ATG13: variants seen among roughly 807,000 people sequenced by gnomAD.
ATG13 encodes autophagy-related protein 13.
ATG13 carries 23 observed loss-of-function variants against 65.5 expected under a neutral mutation model. That is an observed-to-expected ratio of 0.35 (90% CI 0.25 to 0.50). The LOEUF (loss-of-function observed/expected upper bound fraction) is 0.50. Among genes scored for constraint, ATG13 ranks in the 20% least tolerant of loss-of-function variants. ATG13 has a pLI of 0.98. For synonymous variants in ATG13, 252 were observed against 245.2 expected, an observed-to-expected ratio of 1.03 and a Z score of -0.26; for missense variants, 566 against 677.0, an observed-to-expected ratio of 0.84 and a Z score of 1.82.
At chr11:46,672,106 C>T (rs2063868082) in intron 18 of ATG13, 149 bp from the exon 19 acceptor site, 3 of 1,244,738 alleles carry the variant, frequency 2.4e-6, no homozygotes, top group Middle Eastern at 2.7e-4. Flanking sequence ...TACCCTGTGC[C>T]TACGCAGCTG....
At chr11:46,654,283 T>TTATATA (rs376147806) in intron 7 of ATG13, among the ~76,000 whole-genome samples, 1,760 of 122,242 alleles carry the variant, frequency 0.014, 22 homozygotes, top group South Asian at 0.05. Flanking sequence ...TTTTAAAATT[T>TTATATA]TATATATATA....
chr11:46,665,622 T>C, intron 14 of ATG13, 103 bp downstream of exon 14: 2 of 1,434,324 alleles, frequency 1.4e-6, no homozygotes, highest in Non-Finnish European at 1.9e-6. Context: ...CTTTCAGCAT[T>C]GGCTGGGACA....
chr11:46,657,815 T>A (rs963580037), intron 10 of ATG13, among the ~76,000 whole-genome samples, 193 bp downstream of exon 10: 3 of 152,170 alleles, frequency 2.0e-5, no homozygotes, highest in Non-Finnish European at 2.9e-5. Flanking sequence ...CACCAAGACT[T>A]AGTATATACA....
At position 46,668,586 on chromosome 11, in the gene ATG13, C is replaced by T; in HGVS notation, c.1329+10C>T. The T allele has an allele frequency of 6.2e-7, 1 of 1,613,084 alleles. No individual in the cohort carries two copies. The highest frequency in any genetic ancestry group is 1.6e-4 in the Middle Eastern group (1 of 6,062). The stretch of plus-strand genomic sequence containing the variant: ...GGATACCGATCCAATGGTGAGCCCA[C>T]CGTTGACTACGAGTTCCCAGTAGAT... On this transcript the variant is annotated intron_variant, in intron 16 of 18. Transcript: ENST00000683050.
intron 15 of ATG13, 30 bp downstream of exon 15, chr11:46,667,917 A>G: frequency 6.4e-7 from 1 of 1,551,518 alleles, no homozygotes; most frequent in Middle Eastern, 1.7e-4. Context: ...CACCTGTGAG[A>G]ATGTCTGAGT....
At chr11:46,651,359 T>C (rs867914043) in intron 7 of ATG13, among the ~76,000 whole-genome samples, 66 of 152,090 alleles carry the variant, frequency 4.3e-4, no homozygotes, top group African/African-American at 1.4e-3. Flanking sequence ...AAAGAGAATT[T>C]GAGCTGGTAA....
chr11:46,651,303 G>A (rs766540586), intron 7 of ATG13, among the ~76,000 whole-genome samples: 3 of 152,380 alleles, frequency 2.0e-5, no homozygotes, highest in Non-Finnish European at 4.4e-5. Flanking sequence ...TTGGTAAACA[G>A]TGCAGTTCTT....
At chr11:46,633,026 A>ATTTT (rs746504456) in intron 2 of ATG13, among the ~76,000 whole-genome samples, 9 of 90,702 alleles carry the variant, frequency 9.9e-5, no homozygotes, top group African/African-American at 5.8e-4. Flanking sequence ...ATATATATAT[A>ATTTT]TTTTTTTTTT....
chr11:46,647,452 A>G (rs1341522945), intron 5 of ATG13, among the ~76,000 whole-genome samples: 2 of 150,530 alleles, frequency 1.3e-5, no homozygotes, highest in African/African-American at 4.9e-5. Flanking sequence ...TATTTTTTGT[A>G]TTTTTTGTAG....
intron 12 of ATG13, 30 bp downstream of exon 12, chr11:46,664,125 A>G (rs2061773565): frequency 7.0e-7 from 1 of 1,419,482 alleles, no homozygotes; most frequent in East Asian, 2.3e-5. Flanking sequence ...AAGGGGATAT[A>G]ATCAGATGGC....
chr11:46,633,509 A>G (rs1005386624), intron 2 of ATG13, among the ~76,000 whole-genome samples: 1 of 151,294 alleles, frequency 6.6e-6, no homozygotes, highest in Non-Finnish European at 1.5e-5. Flanking sequence ...CACCACGCCC[A>G]GCTAATTTTG....
intron 7 of ATG13, among the ~76,000 whole-genome samples, chr11:46,651,550 CCTTT>C (rs1342272656): frequency 2.0e-5 from 3 of 152,066 alleles, no homozygotes; most frequent in Non-Finnish European, 4.4e-5. Context: ...ACCAAAGATG[CCTTT>C]CTTTTGTATT....
At chr11:46,632,328 A>G (rs1380930862) in intron 2 of ATG13, 1 of 152,248 alleles carries the variant, frequency 6.6e-6, no homozygotes, top group Non-Finnish European at 1.5e-5. Context: ...CCTAGGACAG[A>G]AAATTTTAAT....
intron 2 of ATG13, among the ~76,000 whole-genome samples, chr11:46,638,168 G>A (rs1321025896): frequency 6.6e-6 from 1 of 152,128 alleles, no homozygotes; most frequent in Non-Finnish European, 1.5e-5. Flanking sequence ...TGGGCACGGT[G>A]GCTCATGTCT....
At chr11:46,666,083 A>C (rs2062293369) in intron 14 of ATG13, among the ~76,000 whole-genome samples, 1 of 152,140 alleles carries the variant, frequency 6.6e-6, no homozygotes, top group African/African-American at 2.4e-5. Flanking sequence ...CGGGGATTAC[A>C]GGCGTGAGCC....
At chr11:46,645,684 A>C (rs1029006292) in intron 4 of ATG13, among the ~76,000 whole-genome samples, 186 bp from the exon 5 acceptor site, 11 of 152,172 alleles carry the variant, frequency 7.2e-5, no homozygotes. Context: ...TTGTAATGAT[A>C]ATTACCTTTT....
In ATG13 at chr11:46,645,433, A is replaced by G. The variant is rs1565504017; in HGVS notation, c.150+14A>G. On this transcript the variant is annotated intron_variant, in intron 4 of 18. Coordinates refer to ENST00000683050, the MANE Select transcript of ATG13 (RefSeq NM_001346311.2). ...GGTTCAGATTGGGTAAAATTCTATT[A>G]TTTACTAAGGTGTATACTGTAGTGT... is the stretch of plus-strand genomic sequence containing the variant. 1.9e-6 allele frequency: 3 copies of G among 1,606,360 alleles called. No individual in the cohort carries two copies. The highest frequency in any genetic ancestry group is 1.7e-4 in the Middle Eastern group (1 of 6,052).
At chr11:46,667,680 A>G in intron 14 of ATG13, 93 bp from the exon 15 acceptor site, 1 of 957,494 alleles carries the variant, frequency 1.0e-6, no homozygotes, top group Non-Finnish European at 1.6e-6. Context: ...CTCCTGCCCT[A>G]GGCCACAGCC....
chr11:46,664,136 A>T, intron 12 of ATG13, 41 bp downstream of exon 12: 1 of 1,360,546 alleles, frequency 7.3e-7, no homozygotes, highest in Non-Finnish European at 1.0e-6. Flanking sequence ...ATCAGATGGC[A>T]TCCTTTTATT....
Sources: allele counts gnomAD v4.1 joint callset (sites outside exome capture counted in the v4.1 genomes callset), GRCh38; gene constraint gnomAD v4.1.1; transcripts MANE v1.5; gene names NCBI Gene and HGNC (gene_info 2026-07-23, HGNC 2026-07-21).